DPF3: variants seen among roughly 807,000 people sequenced by gnomAD.
DPF3 encodes double PHD fingers 3.
In DPF3, 18 loss-of-function variants were observed where a neutral mutation model predicts 56.8. The observed-to-expected ratio is 0.32, with a 90% CI of 0.22 to 0.47. The LOEUF (loss-of-function observed/expected upper bound fraction) is 0.47, where lower values mean the gene tolerates loss of function less well. DPF3 is among the 20% of genes least tolerant of loss of function. The probability of loss-of-function intolerance (pLI) is 1.00; values close to 1 mark genes in which losing one functional copy is unlikely to be tolerated. For synonymous variants in DPF3, 188 were observed against 180.2 expected (o/e 1.04, Z -0.35); for missense variants, 403 against 488.8 (o/e 0.82, Z 1.65).
chr14:72,814,530 T>C (rs1039729835), intron 1 of DPF3, among the ~76,000 whole-genome samples: 13 of 152,292 alleles, frequency 8.5e-5, no homozygotes, highest in East Asian at 3.9e-4. Context: ...AAAAATTAAC[T>C]TGAGCGGGGT....
rs115624412 is a variant in DPF3, at chr14:72,770,577, G to A, written c.193+1156C>T. 5.3e-3 allele frequency among the ~76,000 whole-genome samples: 804 copies of A among 152,240 alleles called. 11 individuals are homozygous for A. Among genetic ancestry groups the A allele is most frequent in the African/African-American group, 0.019 (773 of 41,540 alleles). ...ACAAAATATTTACAGATGAAATCACGTGCTTTTGTGGATTTGCTTCAAAAT... is the reference window on the plus strand; with the variant it reads ...ACAAAATATTTACAGATGAAATCACATGCTTTTGTGGATTTGCTTCAAAAT... On this transcript the variant is annotated intron_variant, in intron 2 of 10. Transcript: ENST00000556509.
intron 8 of DPF3, among the ~76,000 whole-genome samples, chr14:72,666,996 C>G (rs1406542232): frequency 6.6e-6 from 1 of 152,186 alleles, no homozygotes; most frequent in Non-Finnish European, 1.5e-5. Context: ...CCCTTTAGTT[C>G]TCTCCCTGAG....
At chr14:72,872,332 A>G (rs1277732441) in intron 1 of DPF3, among the ~76,000 whole-genome samples, 5 of 152,238 alleles carry the variant, frequency 3.3e-5, no homozygotes, top group African/African-American at 1.2e-4. Context: ...GAGGATTAAC[A>G]TTAGGATACT....
At chr14:72,768,905 T>C (rs913987530) in intron 2 of DPF3, among the ~76,000 whole-genome samples, 11 of 150,726 alleles carry the variant, frequency 7.3e-5, no homozygotes, top group African/African-American at 2.5e-4. Flanking sequence ...ATAGTCATAT[T>C]GTTTGTTCTG....
chr14:72,795,359 C>T (rs1164189311), intron 1 of DPF3, among the ~76,000 whole-genome samples: 1 of 148,822 alleles, frequency 6.7e-6, no homozygotes, highest in African/African-American at 2.5e-5. Flanking sequence ...GGAACCACAT[C>T]GCTCTGGGTT....
chr14:72,892,223 A>T, intron 1 of DPF3: 1 of 1,535,464 alleles, frequency 6.5e-7, no homozygotes. Flanking sequence ...TTTCGGCTGG[A>T]AATGGGGAAA....
chr14:72,893,197 C>T (rs1412074677), intron 1 of DPF3, among the ~76,000 whole-genome samples: 2 of 152,152 alleles, frequency 1.3e-5, no homozygotes, highest in Non-Finnish European at 2.9e-5. Context: ...GCAGACGCTG[C>T]CCCCTCGGGC....
At chr14:72,730,651 TA>T (rs1599391057) in intron 4 of DPF3, among the ~76,000 whole-genome samples, 1 of 151,594 alleles carries the variant, frequency 6.6e-6, no homozygotes, top group African/African-American at 2.4e-5. Context: ...AATTAATATA[TA>T]AATTAATAAA....
At chr14:72,679,844 G>C (rs947919511) in intron 7 of DPF3, among the ~76,000 whole-genome samples, 2 of 152,230 alleles carry the variant, frequency 1.3e-5, no homozygotes, top group African/African-American at 4.8e-5. Context: ...GCCCAGGCCG[G>C]CCAGGCGGGA....
chr14:72,858,711 A>C (rs1449536299), intron 1 of DPF3, among the ~76,000 whole-genome samples: 1 of 152,236 alleles, frequency 6.6e-6, no homozygotes, highest in Non-Finnish European at 1.5e-5. Context: ...AATACTACTC[A>C]GAGATTCCTT....
intron 7 of DPF3, among the ~76,000 whole-genome samples, chr14:72,677,706 G>C (rs541187112): frequency 5.3e-5 from 8 of 152,232 alleles, no homozygotes; most frequent in Admixed American, 1.3e-4. Flanking sequence ...CACTGCCCCT[G>C]GTTTATTTCC....
chr14:72,892,505 CCT>C, intron 1 of DPF3: 1 of 1,412,658 alleles, frequency 7.1e-7, no homozygotes, highest in Non-Finnish European at 9.2e-7. Flanking sequence ...CCTTCCTACC[CCT>C]TTCCCTATTT....
intron 8 of DPF3, chr14:72,671,556 C>T: frequency 1.3e-6 from 1 of 742,158 alleles, no homozygotes; most frequent in South Asian, 1.4e-5. Flanking sequence ...AAGGCATCAT[C>T]TCTACCATAG....
intron 2 of DPF3, among the ~76,000 whole-genome samples, chr14:72,770,897 G>GGCGTGA: frequency 6.6e-6 from 1 of 152,262 alleles, no homozygotes; most frequent in African/African-American, 2.4e-5. Context: ...AATAATAATA[G>GGCGTGA]GCCAGGTGCA....
At chr14:72,690,081 A>G (rs1197658046) in intron 7 of DPF3, among the ~76,000 whole-genome samples, 5 of 152,146 alleles carry the variant, frequency 3.3e-5, no homozygotes, top group African/African-American at 4.8e-5. Context: ...GAGAAAGAGA[A>G]AAAGGGGAGG....
chr14:72,712,360 G>A (rs926213209), intron 6 of DPF3, among the ~76,000 whole-genome samples: 9 of 152,194 alleles, frequency 5.9e-5, no homozygotes, highest in African/African-American at 2.2e-4. Context: ...AGCACTTCAT[G>A]GAGATGATCC....
intron 1 of DPF3, among the ~76,000 whole-genome samples, chr14:72,881,464 T>C (rs1443995172): frequency 6.6e-6 from 1 of 152,028 alleles, no homozygotes; most frequent in Non-Finnish European, 1.5e-5. Context: ...ATTCTCCCTG[T>C]GTCGATAGTG....
intron 1 of DPF3, among the ~76,000 whole-genome samples, chr14:72,805,480 A>G (rs1479437487): frequency 1.3e-5 from 2 of 151,884 alleles, no homozygotes; most frequent in Non-Finnish European, 2.9e-5. Context: ...CCAAAAAAAA[A>G]AAAACTGCAT....
intron 1 of DPF3, among the ~76,000 whole-genome samples, chr14:72,801,298 G>A (rs939748394): frequency 6.6e-5 from 10 of 152,206 alleles, no homozygotes; most frequent in African/African-American, 2.4e-4. Context: ...CTTGAAACAA[G>A]GATGTGAGGA....
Sources: allele counts gnomAD v4.1 joint callset (sites outside exome capture counted in the v4.1 genomes callset), GRCh38; gene constraint gnomAD v4.1.1; transcripts MANE v1.5; gene names NCBI Gene and HGNC (gene_info 2026-07-23, HGNC 2026-07-21).